CNTN6: variants seen among roughly 807,000 people sequenced by gnomAD.
The protein encoded by CNTN6 is contactin-6.
A neutral mutation model predicts 122.8 loss-of-function variants in CNTN6; 137 were observed. The ratio of observed to expected loss-of-function variants is 1.12; its 90% CI spans 0.97 to 1.29. The LOEUF is 1.29. Ranked by LOEUF, CNTN6 falls within the 50% of genes most tolerant of loss-of-function variation. CNTN6 has a pLI of 0.00. For missense variants in CNTN6, 1,634 were observed against 1,223.4 expected, an observed-to-expected ratio of 1.34 and a Z score of -5.01; for synonymous variants, 570 against 426.0, an observed-to-expected ratio of 1.34 and a Z score of -4.16.
intron 4 of CNTN6, among the ~76,000 whole-genome samples, chr3:1,273,504 G>C (rs551583290): frequency 7.2e-5 from 11 of 152,260 alleles, no homozygotes; most frequent in African/African-American, 2.6e-4. Flanking sequence ...ATTAAATCTT[G>C]TTTCCAGCTA....
chr3:1,337,271 G>A (rs1414833444), intron 11 of CNTN6, among the ~76,000 whole-genome samples: 7 of 152,094 alleles, frequency 4.6e-5, no homozygotes, highest in Admixed American at 4.6e-4. Context: ...ACCAGCTAAT[G>A]GGAGTCTGGC....
intron 2 of CNTN6, among the ~76,000 whole-genome samples, chr3:1,155,942 C>G (rs1172360505): frequency 6.6e-6 from 1 of 152,216 alleles, no homozygotes; most frequent in Non-Finnish European, 1.5e-5. Flanking sequence ...TACTCTATGT[C>G]AAGACCTTTA....
intron 5 of CNTN6, among the ~76,000 whole-genome samples, chr3:1,286,482 A>C (rs1196754668): frequency 1.3e-5 from 2 of 152,102 alleles, no homozygotes; most frequent in Non-Finnish European, 2.9e-5. Flanking sequence ...TTTGCTGAAA[A>C]TGATGGTTTC....
intron 7 of CNTN6, among the ~76,000 whole-genome samples, chr3:1,298,603 C>G (rs559619448): frequency 1.3e-5 from 2 of 152,166 alleles, no homozygotes; most frequent in South Asian, 2.1e-4. Flanking sequence ...ATCTAGAACC[C>G]CTCTTTGCTT....
chr3:1,296,110 G>A (rs1271373626), intron 6 of CNTN6, among the ~76,000 whole-genome samples: 5 of 152,116 alleles, frequency 3.3e-5, no homozygotes, highest in Non-Finnish European at 7.4e-5. Flanking sequence ...GTGTGTGTAT[G>A]TGTGCACGTG....
In CNTN6 at chr3:1,236,222, G is replaced by C. The variant is rs143974969; in HGVS notation, c.358+8229G>C. Among the ~76,000 whole-genome samples the C allele has an allele frequency of 1.3e-4, 20 of 151,410 alleles. No individual in the cohort carries two copies. The South Asian group carries it at 1.7e-3, about 13-fold the overall frequency. On this transcript the variant is annotated intron_variant, in intron 4 of 22. Transcript: ENST00000446702. The stretch of plus-strand genomic sequence containing the variant: ...AAACCTGAATACTTTTGCATCCTCC[G>C]TATAGGACCACAGCTGATGCACTCC...
At chr3:1,300,535 GAGAGAGAA>G (rs1559754821) in intron 7 of CNTN6, among the ~76,000 whole-genome samples, 7 of 137,526 alleles carry the variant, frequency 5.1e-5, no homozygotes, top group African/African-American at 2.1e-4. Flanking sequence ...GATAAAGAAA[GAGAGAGAA>G]AGAAAGAGAA....
intron 1 of CNTN6, among the ~76,000 whole-genome samples, chr3:1,134,035 T>G (rs929121982): frequency 2.0e-5 from 3 of 152,048 alleles, no homozygotes; most frequent in Non-Finnish European, 4.4e-5. Flanking sequence ...AATACATATA[T>G]CCAGGTAGCT....
At chr3:1,124,042 T>C (rs1438408446) in intron 1 of CNTN6, among the ~76,000 whole-genome samples, 1 of 151,966 alleles carries the variant, frequency 6.6e-6, no homozygotes, top group Non-Finnish European at 1.5e-5. Flanking sequence ...AAATCCCGAT[T>C]GGCCATAATG....
intron 2 of CNTN6, among the ~76,000 whole-genome samples, chr3:1,181,732 T>C (rs1019775870): frequency 6.6e-6 from 1 of 152,210 alleles, no homozygotes; most frequent in Admixed American, 6.5e-5. Flanking sequence ...TAAGGATTCA[T>C]GGCTTAAACA....
chr3:1,352,426 G>T lies in CNTN6; in HGVS notation c.1467G>T (p.Lys489Asn). 1 of 1,609,812 alleles carries T rather than the reference G, an allele frequency of 6.2e-7. No homozygotes were observed. ...CIATNQFGTA[K>N]NTGSLIVKER... The stretch of plus-strand genomic sequence containing the variant: ...CCACAAATCAGTTTGGCACTGCAAA[G>T]AACACTGGCAGCCTCATTGTAAAAG... Residue 489 changes from lysine (K) to asparagine (N), a missense_variant, in exon 12 of 23, where the codon AAG becomes AAT. By Grantham distance (94) the Lys-to-Asn change is moderately conservative. Transcript: ENST00000446702.
chr3:1,381,729 C>G (rs572799381), intron 17 of CNTN6, among the ~76,000 whole-genome samples: 1 of 152,272 alleles, frequency 6.6e-6, no homozygotes, highest in East Asian at 1.9e-4. Context: ...TCTGTTTTCT[C>G]TTAGCTTCTA....
At chr3:1,135,581 T>C (rs958155892) in intron 1 of CNTN6, among the ~76,000 whole-genome samples, 1 of 152,046 alleles carries the variant, frequency 6.6e-6, no homozygotes, top group Non-Finnish European at 1.5e-5. Context: ...TTGTGCTACA[T>C]ATACATATAC....
intron 8 of CNTN6, among the ~76,000 whole-genome samples, chr3:1,323,892 T>C (rs1311553774): frequency 7.2e-6 from 1 of 139,698 alleles, no homozygotes; most frequent in African/African-American, 3.3e-5. Flanking sequence ...GTTGAATAAA[T>C]AAATGTGTTC....
At chr3:1,301,652 T>C (rs1697442554) in intron 7 of CNTN6, among the ~76,000 whole-genome samples, 1 of 152,180 alleles carries the variant, frequency 6.6e-6, no homozygotes, top group African/African-American at 2.4e-5. Flanking sequence ...GAGATTATGT[T>C]TATTAAATGA....
At chr3:1,245,260 T>TATATATATATAAC (rs2094554999) in intron 4 of CNTN6, among the ~76,000 whole-genome samples, 2 of 3,338 alleles carry the variant, frequency 6.0e-4, no homozygotes, top group Admixed American at 4.8e-3. Context: ...ATATATAACA[T>TATATATATATAAC]ATATATATAT....
chr3:1,332,568 AAG>A (rs1275736047), intron 11 of CNTN6, among the ~76,000 whole-genome samples: 3 of 150,658 alleles, frequency 2.0e-5, no homozygotes, highest in African/African-American at 7.4e-5. Context: ...GGGGGAAAGA[AAG>A]AAAGAGAGAG....
chr3:1,109,689 AT>A (rs1473368176), intron 1 of CNTN6, among the ~76,000 whole-genome samples: 1 of 152,036 alleles, frequency 6.6e-6, no homozygotes, highest in African/African-American at 2.4e-5. Context: ...AAAATGATAT[AT>A]TTTTTATTCT....
intron 5 of CNTN6, among the ~76,000 whole-genome samples, chr3:1,295,271 G>A (rs1300389954): frequency 6.6e-6 from 1 of 152,132 alleles, no homozygotes; most frequent in African/African-American, 2.4e-5. Flanking sequence ...AAGGAATTCA[G>A]TGTACATTTG....
Sources: gnomAD v4.1 joint callset for allele counts (sites outside exome capture counted in the v4.1 genomes callset) on GRCh38, gnomAD v4.1.1 for gene constraint, MANE v1.5 for transcripts, NCBI Gene and HGNC (gene_info 2026-07-23, HGNC 2026-07-21) for gene names.